Variants in RIMKLB observed in about 807,000 individuals in gnomAD.
The protein encoded by RIMKLB is ribosomal modification protein rimK like family member B.
Under a neutral mutation model 32.0 loss-of-function variants are expected in RIMKLB, and 7 were observed. That is an observed-to-expected ratio of 0.22 (90% CI 0.12 to 0.41). The LOEUF is 0.41. Among genes scored for constraint, RIMKLB ranks in the 10% least tolerant of loss-of-function variants. The pLI, the probability that RIMKLB is intolerant of heterozygous loss-of-function variation, is 1.00. For synonymous variants in RIMKLB, 172 were observed against 185.1 expected, an observed-to-expected ratio of 0.93 and a Z score of 0.57; for missense variants, 289 against 498.7, an observed-to-expected ratio of 0.58 and a Z score of 4.00.
chr12:8,767,949 C>T (rs117395915), intron 5 of RIMKLB, among the ~76,000 whole-genome samples: 235 of 152,266 alleles, frequency 1.5e-3, no homozygotes, highest in East Asian at 3.5e-3. Context: ...GAGGTCCCTT[C>T]GTGGTCACCA....
intron 2 of RIMKLB, among the ~76,000 whole-genome samples, chr12:8,737,525 A>G (rs1206582429): frequency 6.6e-6 from 1 of 152,126 alleles, no homozygotes; most frequent in Non-Finnish European, 1.5e-5. Context: ...CTTTATTAAT[A>G]ATATGTGGGG....
chr12:8,736,973 A>C (rs1947067155), intron 2 of RIMKLB, among the ~76,000 whole-genome samples: 1 of 151,586 alleles, frequency 6.6e-6, no homozygotes, highest in Non-Finnish European at 1.5e-5. Flanking sequence ...CACCACGCCC[A>C]GCTAATTTTT....
intron 1 of RIMKLB, among the ~76,000 whole-genome samples, chr12:8,705,028 C>T (rs1030762446): frequency 4.0e-5 from 6 of 150,264 alleles, no homozygotes; most frequent in African/African-American, 1.3e-4. Flanking sequence ...CATTTGAGCT[C>T]AGACTTTACT....
the RIMKLB span, among the ~76,000 whole-genome samples, chr12:8,672,544 G>A: frequency 0.13 from 19,786 of 151,882 alleles, 1,764 homozygotes; most frequent in African/African-American, 0.25. Context: ...GGAAACCCCC[G>A]ATAAACCCAT....
chr12:8,736,962 C>G (rs1345094704), intron 2 of RIMKLB, among the ~76,000 whole-genome samples: 1 of 152,026 alleles, frequency 6.6e-6, no homozygotes, highest in Non-Finnish European at 1.5e-5. Flanking sequence ...CAGGCATGTG[C>G]CACCACGCCC....
chr12:8,698,498 G>T (rs1035701197), intron 1 of RIMKLB, among the ~76,000 whole-genome samples: 1 of 152,046 alleles, frequency 6.6e-6, no homozygotes, highest in African/African-American at 2.4e-5. Context: ...GGAGCGAGGC[G>T]GGGCCCGGCC....
At chr12:8,717,057 C>CTT (rs558195222) in intron 2 of RIMKLB, among the ~76,000 whole-genome samples, 2 of 125,008 alleles carry the variant, frequency 1.6e-5, no homozygotes, top group African/African-American at 5.9e-5. Flanking sequence ...GAGGGTTTTT[C>CTT]TTTTTTTTTT....
upstream of RIMKLB, among the ~76,000 whole-genome samples, chr12:8,694,581 G>A (rs10842131): frequency 0.23 from 34,662 of 151,150 alleles, 4,185 homozygotes; most frequent in Non-Finnish European, 0.26. Flanking sequence ...TTTAGTAGAG[G>A]CAGAGTTTCA....
chr12:8,722,635 T>C (rs1369913301), intron 2 of RIMKLB, among the ~76,000 whole-genome samples: 2 of 152,256 alleles, frequency 1.3e-5, no homozygotes, highest in Admixed American at 6.5e-5. Flanking sequence ...GACTTCTCTT[T>C]AGCTGCTATC....
At chr12:8,752,639 A>G (rs957314123) in intron 4 of RIMKLB, among the ~76,000 whole-genome samples, 2 of 152,234 alleles carry the variant, frequency 1.3e-5, no homozygotes, top group Admixed American at 1.3e-4. Flanking sequence ...TTAAATGCGT[A>G]AGGTAAAACT....
chr12:8,769,033 G>C (rs1340025335), intron 5 of RIMKLB, among the ~76,000 whole-genome samples: 2 of 152,092 alleles, frequency 1.3e-5, no homozygotes, highest in Non-Finnish European at 2.9e-5. Flanking sequence ...TCAAAATGAA[G>C]GCAATTCATG....
chr12:8,682,818 A>AG (rs768117551), intron 1 of RIMKLB, among the ~76,000 whole-genome samples: 3 of 148,256 alleles, frequency 2.0e-5, no homozygotes, highest in South Asian at 2.1e-4. Flanking sequence ...AAAAAAAAAA[A>AG]AAGAAACGAG....
At chr12:8,713,612 A>G in intron 1 of RIMKLB, 199 bp from the exon 2 acceptor site, 1 of 427,988 alleles carries the variant, frequency 2.3e-6, no homozygotes, top group Non-Finnish European at 4.3e-6. Flanking sequence ...TGGAGAAATC[A>G]TATTTCTGAA....
At position 8,753,967 on chromosome 12, in the gene RIMKLB, C is replaced by G; in HGVS notation, c.571C>G (p.Leu191Val). 3 of 1,613,918 alleles carry G rather than the reference C, an allele frequency of 1.9e-6. No homozygotes were observed. The highest frequency in any genetic ancestry group is 2.5e-6 in the Non-Finnish European group (3 of 1,179,832). ...SHLIRHEAPY[L>V]FQKYVKESHG... ...TCTTATTCGCCATGAAGCGCCATAC[C>G]TGTTCCAGAAGTATGTTAAAGAGTC... is the stretch of plus-strand genomic sequence containing the variant. The change falls in exon 5 of 6, where the codon CTG becomes GTG. Residue 191 changes from leucine to valine, a missense_variant. Physicochemically the swap from Leu to Val is conservative, Grantham distance 32. Coordinates refer to ENST00000535829, the MANE Select transcript of RIMKLB (RefSeq NM_001297776.2).
chr12:8,742,738 C>G, intron 2 of RIMKLB: 1 of 230,268 alleles, frequency 4.3e-6, no homozygotes, highest in Non-Finnish European at 8.6e-6. Flanking sequence ...TTGCTGGTTG[C>G]TTGACTCTTG....
chr12:8,699,054 A>G (rs1236657804), intron 1 of RIMKLB, among the ~76,000 whole-genome samples: 1 of 151,778 alleles, frequency 6.6e-6, no homozygotes, highest in Non-Finnish European at 1.5e-5. Flanking sequence ...TCACTGTTTT[A>G]TCCCATTTGT....
chr12:8,750,019 C>G lies in RIMKLB; in HGVS notation c.333C>G (p.Asn111Lys). The change falls in exon 3 of 6, where the codon AAC (asparagine) becomes AAG (lysine). Residue 111 changes from asparagine (N) to lysine (K), a missense_variant. Coordinates refer to ENST00000535829, the MANE Select transcript of RIMKLB (RefSeq NM_001297776.2). Reference sequence around the variant, plus strand: ...TGAACCGACCTCAAGCCATCCTGAACTGCGTTAATAAGTTCTGGACATTTC... The same window carrying G: ...TGAACCGACCTCAAGCCATCCTGAAGTGCGTTAATAAGTTCTGGACATTTC... Reference protein sequence around the residue: ...RLMNRPQAILNCVNKFWTFQE... With the variant: ...RLMNRPQAILKCVNKFWTFQE... The G allele has an allele frequency of 6.2e-7, 1 of 1,614,034 alleles. No individual in the cohort carries two copies. The highest frequency in any genetic ancestry group is 8.5e-7 in the Non-Finnish European group (1 of 1,179,930).
upstream of RIMKLB, among the ~76,000 whole-genome samples, chr12:8,677,753 T>A (rs1942351911): frequency 6.6e-6 from 1 of 151,390 alleles, no homozygotes; most frequent in Non-Finnish European, 1.5e-5. Flanking sequence ...TTGCCCTTTT[T>A]TTTTTTCTTC....
In RIMKLB at chr12:8,750,227, T is replaced by C. The variant is rs1948499974; in HGVS notation, c.406+135T>C. 3 of 526,828 alleles carry C rather than the reference T, an allele frequency of 5.7e-6. No individual in the cohort carries two copies. In the East Asian group the frequency reaches 8.6e-5, roughly 15 times the overall value. The allele number at this position is 526,828 out of a possible 1,614,324, so 32.6% of individuals were successfully genotyped here. On this transcript the variant is annotated intron_variant, in intron 3 of 5. Coordinates refer to ENST00000535829, the MANE Select transcript of RIMKLB (RefSeq NM_001297776.2). ...ACACACTGGACAGGATAATTATAAA[T>C]TATATCTTAAGATTTGTTTCATATT...
Sources: gnomAD v4.1 joint callset for allele counts (sites outside exome capture counted in the v4.1 genomes callset) on GRCh38, gnomAD v4.1.1 for gene constraint, MANE v1.5 for transcripts, NCBI Gene and HGNC (gene_info 2026-07-23, HGNC 2026-07-21) for gene names.